Variants in NKAIN2 observed in about 807,000 individuals in gnomAD.
The protein encoded by NKAIN2 is sodium/potassium transporting ATPase interacting 2.
NKAIN2 carries 14 observed loss-of-function variants against 32.6 expected under a neutral mutation model. The ratio of observed to expected loss-of-function variants is 0.43; its 90% CI spans 0.28 to 0.67. The LOEUF is 0.67. Ranked by LOEUF, NKAIN2 falls within the 30% of genes least tolerant of loss-of-function variation. The pLI is 0.17. For synonymous variants in NKAIN2, 80 were observed against 87.2 expected (o/e 0.92, Z 0.46); for missense variants, 198 against 258.3 (o/e 0.77, Z 1.60).
chr6:123,821,266 G>C (rs1210073569), intron 1 of NKAIN2, among the ~76,000 whole-genome samples: 1 of 152,144 alleles, frequency 6.6e-6, no homozygotes, highest in Non-Finnish European at 1.5e-5. Context: ...ACCCTTTAAT[G>C]AAAATGGCTC....
chr6:124,138,743 A>G (rs1303070164), intron 1 of NKAIN2, among the ~76,000 whole-genome samples: 1 of 147,084 alleles, frequency 6.8e-6, no homozygotes, highest in African/African-American at 2.5e-5. Context: ...ATATGATGGA[A>G]CAGTGTTCAG....
intron 4 of NKAIN2, among the ~76,000 whole-genome samples, chr6:124,730,402 G>A (rs1476251569): frequency 3.1e-5 from 3 of 96,336 alleles, no homozygotes; most frequent in Admixed American, 1.2e-4. Context: ...CAGAAATAAC[G>A]CCGCATATCT....
chr6:124,070,152 A>G (rs1168545820), intron 1 of NKAIN2, among the ~76,000 whole-genome samples: 1 of 152,092 alleles, frequency 6.6e-6, no homozygotes, highest in Non-Finnish European at 1.5e-5. Context: ...AGTCACTGCT[A>G]TATTCGCTGC....
intron 3 of NKAIN2, among the ~76,000 whole-genome samples, chr6:124,629,498 G>T (rs1399010578): frequency 1.3e-5 from 2 of 152,132 alleles, no homozygotes; most frequent in African/African-American, 2.4e-5. Context: ...TTGGAAGGAG[G>T]CCCCTGGGGA....
intron 1 of NKAIN2, among the ~76,000 whole-genome samples, chr6:123,936,704 A>T (rs562812683): frequency 5.3e-5 from 8 of 152,146 alleles, no homozygotes; most frequent in African/African-American, 1.9e-4. Flanking sequence ...AGGGCTGATT[A>T]TGCTGAAGTG....
intron 1 of NKAIN2, among the ~76,000 whole-genome samples, chr6:124,119,190 A>C (rs1251816905): frequency 4.6e-5 from 7 of 152,138 alleles, no homozygotes; most frequent in Non-Finnish European, 5.9e-5. Flanking sequence ...TAAAAAGTAA[A>C]AAATTTAACC....
intron 3 of NKAIN2, among the ~76,000 whole-genome samples, chr6:124,377,037 G>C (rs1800022868): frequency 1.3e-5 from 2 of 152,062 alleles, no homozygotes; most frequent in African/African-American, 4.8e-5. Flanking sequence ...ATTTAAGGTG[G>C]GTTTAGAGTT....
chr6:124,155,912 A>G (rs897717070), intron 1 of NKAIN2, among the ~76,000 whole-genome samples: 5 of 151,810 alleles, frequency 3.3e-5, no homozygotes, highest in Admixed American at 2.0e-4. Flanking sequence ...GAATAGGGCT[A>G]TAGTAACAAC....
At chr6:124,276,054 C>T (rs974964462) in intron 1 of NKAIN2, among the ~76,000 whole-genome samples, 1 of 152,018 alleles carries the variant, frequency 6.6e-6, no homozygotes, top group Non-Finnish European at 1.5e-5. Flanking sequence ...GTCTGAACCA[C>T]CATGATATGC....
chr6:124,813,299 A>T (rs1780998559), intron 5 of NKAIN2, among the ~76,000 whole-genome samples: 1 of 152,170 alleles, frequency 6.6e-6, no homozygotes, highest in Non-Finnish European at 1.5e-5. Context: ...TATTAGATCA[A>T]AGAAGAATCT....
At chr6:124,767,075 T>C (rs1318140389) in intron 4 of NKAIN2, among the ~76,000 whole-genome samples, 3 of 152,088 alleles carry the variant, frequency 2.0e-5, no homozygotes, top group Non-Finnish European at 4.4e-5. Context: ...TTTGTATTTT[T>C]AGTTGAGACG....
chr6:124,721,797 G>C (rs1166538974), intron 4 of NKAIN2, among the ~76,000 whole-genome samples: 1 of 152,026 alleles, frequency 6.6e-6, no homozygotes, highest in East Asian at 1.9e-4. Flanking sequence ...CCCAGCAGCA[G>C]CTATTTTTTT....
chr6:124,601,292 A>G (rs947578482), intron 3 of NKAIN2, among the ~76,000 whole-genome samples: 2 of 151,990 alleles, frequency 1.3e-5, no homozygotes, highest in African/African-American at 4.8e-5. Flanking sequence ...CTCTAATGCT[A>G]TTGATTTTGA....
chr6:124,112,946 C>A (rs1051654669), intron 1 of NKAIN2, among the ~76,000 whole-genome samples: 8 of 148,864 alleles, frequency 5.4e-5, no homozygotes, highest in African/African-American at 2.1e-4. Flanking sequence ...TGTTGAAATT[C>A]TTACTTTCAT....
At chr6:124,724,931 T>C (rs905939123) in intron 4 of NKAIN2, among the ~76,000 whole-genome samples, 1 of 152,232 alleles carries the variant, frequency 6.6e-6, no homozygotes, top group Non-Finnish European at 1.5e-5. Context: ...GTTGAGTTGA[T>C]CCCTTTTAAT....
intron 3 of NKAIN2, among the ~76,000 whole-genome samples, chr6:124,561,138 G>T (rs546804357): frequency 4.3e-4 from 65 of 152,248 alleles, no homozygotes; most frequent in African/African-American, 1.4e-3. Flanking sequence ...ATTACTGAGG[G>T]GAAAAGTCCG....
At chr6:123,819,924 C>T (rs532531341) in intron 1 of NKAIN2, among the ~76,000 whole-genome samples, 6 of 151,906 alleles carry the variant, frequency 3.9e-5, no homozygotes, top group Middle Eastern at 3.4e-3. Context: ...AATAGAGGAA[C>T]GAAAAGAGCA....
chr6:124,280,929 G>A (rs550912637), intron 1 of NKAIN2, among the ~76,000 whole-genome samples: 3 of 152,310 alleles, frequency 2.0e-5, no homozygotes, highest in Admixed American at 2.0e-4. Flanking sequence ...AGCTTGTTCA[G>A]TCTGCACAAA....
chr6:124,250,098 T>C (rs1430019563), intron 1 of NKAIN2, among the ~76,000 whole-genome samples: 1 of 152,096 alleles, frequency 6.6e-6, no homozygotes, highest in Middle Eastern at 3.2e-3. Context: ...GCCCTTTTAA[T>C]AGAGGCCCCA....
Sources: gnomAD v4.1 joint callset for allele counts (sites outside exome capture counted in the v4.1 genomes callset) on GRCh38, gnomAD v4.1.1 for gene constraint, MANE v1.5 for transcripts, NCBI Gene and HGNC (gene_info 2026-07-23, HGNC 2026-07-21) for gene names.